GMPR: variants seen among roughly 807,000 people sequenced by gnomAD.
GMPR encodes GMP reductase 1.
In GMPR, 31 loss-of-function variants were observed where a neutral mutation model predicts 38.4. The observed-to-expected ratio is 0.81, with a 90% CI of 0.61 to 1.09. GMPR has a LOEUF of 1.09. Among genes scored for constraint, GMPR ranks in the 50% least tolerant of loss-of-function variants. The probability of loss-of-function intolerance (pLI) is 0.00; values close to 1 mark genes in which losing one functional copy is unlikely to be tolerated. For synonymous variants in GMPR, 162 were observed against 173.3 expected (o/e 0.93, Z 0.51); for missense variants, 468 against 453.7 (o/e 1.03, Z -0.29).
intron 1 of GMPR, among the ~76,000 whole-genome samples, chr6:16,244,150 G>A (rs1333015244): frequency 1.3e-5 from 2 of 148,908 alleles, no homozygotes; most frequent in Middle Eastern, 3.5e-3. Context: ...GTAGCAGTTT[G>A]TTCGTTGGAC....
intron 4 of GMPR, among the ~76,000 whole-genome samples, chr6:16,268,311 ACTC>A (rs1759308591): frequency 6.6e-6 from 1 of 151,566 alleles, no homozygotes. Flanking sequence ...TGGGGTTGAT[ACTC>A]CTCTTTTTTG....
At chr6:16,294,906 T>A in intron 8 of GMPR, 100 bp from the exon 9 acceptor site, 1 of 918,322 alleles carries the variant, frequency 1.1e-6, no homozygotes, top group Admixed American at 2.3e-5. Flanking sequence ...TCTGAGTGCC[T>A]TGGGGGCTAC....
At chr6:16,272,459 T>A (rs9367909) in intron 4 of GMPR, among the ~76,000 whole-genome samples, 1 of 152,190 alleles carries the variant, frequency 6.6e-6, no homozygotes, top group African/African-American at 2.4e-5. Context: ...GGAAAACTCA[T>A]ACTACAATAA....
chr6:16,290,319 A>C, intron 7 of GMPR, 143 bp from the exon 8 acceptor site: 1 of 723,834 alleles, frequency 1.4e-6, no homozygotes, highest in South Asian at 1.7e-5. Flanking sequence ...AGGAGGAGAC[A>C]GGCGAGAGAG....
intron 1 of GMPR, among the ~76,000 whole-genome samples, chr6:16,242,053 C>T (rs1313704779): frequency 1.3e-5 from 2 of 152,054 alleles, no homozygotes; most frequent in East Asian, 1.9e-4. Flanking sequence ...AGAATTAAAA[C>T]AAAAACAAAA....
chr6:16,289,317 C>T (rs966199925), intron 7 of GMPR, among the ~76,000 whole-genome samples: 11 of 152,220 alleles, frequency 7.2e-5, no homozygotes, highest in Admixed American at 5.9e-4. Context: ...GTTCCGAACA[C>T]AGTAGCAGTT....
chr6:16,245,637 C>T (rs1218980543), intron 1 of GMPR, among the ~76,000 whole-genome samples: 1 of 152,304 alleles, frequency 6.6e-6, no homozygotes, highest in Middle Eastern at 3.4e-3. Context: ...GAGAAACAAA[C>T]GATGCTGACT....
At chr6:16,256,351 TAAAA>T (rs200060049) in intron 4 of GMPR, among the ~76,000 whole-genome samples, 1 of 120,842 alleles carries the variant, frequency 8.3e-6, no homozygotes, top group Non-Finnish European at 1.8e-5. Flanking sequence ...CTGCATCTAC[TAAAA>T]AAAAAAAAAA....
intron 5 of GMPR, among the ~76,000 whole-genome samples, chr6:16,277,540 G>A (rs1025352665): frequency 1.3e-5 from 2 of 152,160 alleles, no homozygotes; most frequent in African/African-American, 4.8e-5. Context: ...AGGGATGTGG[G>A]TGACTCATTC....
chr6:16,265,731 C>G (rs577173968), intron 4 of GMPR, among the ~76,000 whole-genome samples: 1 of 152,326 alleles, frequency 6.6e-6, no homozygotes, highest in East Asian at 1.9e-4. Context: ...GTTAAATGGA[C>G]CAATCAGCAG....
chr6:16,266,132 GCCA>G (rs1759209359), intron 4 of GMPR, among the ~76,000 whole-genome samples: 2 of 106,276 alleles, frequency 1.9e-5, no homozygotes, highest in South Asian at 2.9e-4. Flanking sequence ...TGTAACACTT[GCCA>G]TCTTTAAGAG....
chr6:16,272,932 T>C (rs1759410742), intron 4 of GMPR, among the ~76,000 whole-genome samples: 3 of 152,134 alleles, frequency 2.0e-5, no homozygotes, highest in African/African-American at 4.8e-5. Context: ...CCAAGTGCTG[T>C]GGTTATAGGC....
intron 4 of GMPR, among the ~76,000 whole-genome samples, chr6:16,260,491 C>G (rs941351797): frequency 6.6e-6 from 1 of 151,826 alleles, no homozygotes; most frequent in African/African-American, 2.4e-5. Flanking sequence ...CGGGGCATGT[C>G]GAGTAAAGCT....
intron 8 of GMPR, among the ~76,000 whole-genome samples, chr6:16,294,714 G>A (rs902027270): frequency 7.9e-5 from 12 of 152,198 alleles, no homozygotes; most frequent in African/African-American, 2.9e-4. Context: ...CAAGCAGGGT[G>A]TTATGGGTCC....
chr6:16,287,821 C>G (rs937214422), intron 7 of GMPR, among the ~76,000 whole-genome samples: 4 of 152,170 alleles, frequency 2.6e-5, no homozygotes, highest in African/African-American at 7.2e-5. Context: ...GCTTTGCTTC[C>G]CTGAGTGCTA....
rs1214738241 is a variant in GMPR, at chr6:16,266,547, A to G, written c.466-7868A>G. On this transcript the variant is annotated intron_variant, in intron 4 of 8. Transcript: ENST00000259727. ...GCTGGGCGCGGTGGCTCACGCCTGTAATCCTGGCACTTTGGGAGGCCGAGA... is the reference window on the plus strand; with the variant it reads ...GCTGGGCGCGGTGGCTCACGCCTGTGATCCTGGCACTTTGGGAGGCCGAGA... 2.0e-5 allele frequency among the ~76,000 whole-genome samples: 3 copies of G among 150,992 alleles called. No individual in the cohort carries two copies. In the East Asian group the frequency reaches 6.0e-4, roughly 30 times the overall value.
chr6:16,265,964 A>G (rs1354519738), intron 4 of GMPR, among the ~76,000 whole-genome samples: 1 of 152,178 alleles, frequency 6.6e-6, no homozygotes, highest in Non-Finnish European at 1.5e-5. Context: ...GGGAGAAAGG[A>G]ACAATTGTGG....
intron 6 of GMPR, among the ~76,000 whole-genome samples, chr6:16,280,393 C>G (rs530514902): frequency 6.6e-6 from 1 of 152,146 alleles, no homozygotes; most frequent in African/African-American, 2.4e-5. Context: ...ATTCATCCAG[C>G]AAGTCTCTAT....
intron 1 of GMPR, among the ~76,000 whole-genome samples, chr6:16,244,299 G>A (rs544855075): frequency 6.6e-6 from 1 of 150,668 alleles, no homozygotes; most frequent in African/African-American, 2.4e-5. Context: ...TGCAGCCTCA[G>A]CCTCCGGTGT....
Sources: allele counts gnomAD v4.1 joint callset (sites outside exome capture counted in the v4.1 genomes callset), GRCh38; gene constraint gnomAD v4.1.1; transcripts MANE v1.5; gene names NCBI Gene and HGNC (gene_info 2026-07-23, HGNC 2026-07-21).